The following TTC28 variants were observed in gnomAD, a reference collection of about 807,000 sequenced individuals.
TTC28 encodes the protein tetratricopeptide repeat domain 28.
TTC28 carries 61 observed loss-of-function variants against 198.0 expected under a neutral mutation model. The observed-to-expected ratio is 0.31, with a 90% confidence interval of 0.25 to 0.38. The LOEUF (loss-of-function observed/expected upper bound fraction) is 0.38. TTC28 is among the 10% of genes least tolerant of loss of function. TTC28 has a pLI of 1.00. For synonymous variants in TTC28, 1,171 were observed against 1,297.8 expected (o/e 0.90, Z 2.10); for missense variants, 2,678 against 3,164.0 (o/e 0.85, Z 3.69).
chr22:28,438,194 A>C (rs1258974204), intron 2 of TTC28, among the ~76,000 whole-genome samples: 1 of 152,234 alleles, frequency 6.6e-6, no homozygotes, highest in Non-Finnish European at 1.5e-5. Context: ...AATAATACCA[A>C]CTAGCACAGC....
At chr22:28,428,086 A>G (rs915192152) in intron 2 of TTC28, among the ~76,000 whole-genome samples, 26 of 152,128 alleles carry the variant, frequency 1.7e-4, no homozygotes, top group African/African-American at 6.0e-4. Context: ...AGGTTTAAAT[A>G]TTAAAAGTAT....
intron 2 of TTC28, among the ~76,000 whole-genome samples, chr22:28,341,901 C>T (rs964393446): frequency 1.3e-5 from 2 of 151,984 alleles, no homozygotes; most frequent in Admixed American, 1.3e-4. Context: ...ATGGCTCGGG[C>T]CCAGGAGTTC....
At chr22:27,984,119 G>C (rs1026335746) in intron 22 of TTC28, among the ~76,000 whole-genome samples, 1 of 152,026 alleles carries the variant, frequency 6.6e-6, no homozygotes, top group African/African-American at 2.4e-5. Flanking sequence ...TGTCACATGC[G>C]GGGTCAGGGT....
At chr22:28,003,071 G>C (rs762942369) in intron 14 of TTC28, among the ~76,000 whole-genome samples, 1 of 152,218 alleles carries the variant, frequency 6.6e-6, no homozygotes, top group East Asian at 1.9e-4. Context: ...GCAGGAAGAA[G>C]TAGGGGTGTG....
intron 2 of TTC28, among the ~76,000 whole-genome samples, chr22:28,483,029 A>G (rs1381611745): frequency 6.6e-6 from 1 of 152,156 alleles, no homozygotes; most frequent in Admixed American, 6.5e-5. Context: ...TTACTATGCT[A>G]TATATTTGTT....
chr22:28,272,767 C>T (rs1170277350), intron 5 of TTC28, among the ~76,000 whole-genome samples: 1 of 152,144 alleles, frequency 6.6e-6, no homozygotes, highest in Non-Finnish European at 1.5e-5. Flanking sequence ...GAGCTTTCAG[C>T]AATCCCCAGG....
intron 2 of TTC28, among the ~76,000 whole-genome samples, chr22:28,590,034 C>CAAAA (rs71194779): frequency 1.3e-4 from 9 of 68,052 alleles, no homozygotes; most frequent in Non-Finnish European, 2.1e-4. Flanking sequence ...AAGACTCCAT[C>CAAAA]AAAAAAAAAA....
intron 2 of TTC28, among the ~76,000 whole-genome samples, chr22:28,529,835 G>C (rs941460365): frequency 6.6e-6 from 1 of 152,154 alleles, no homozygotes; most frequent in African/African-American, 2.4e-5. Context: ...ACCTTCAGCT[G>C]AGGGTCCTGA....
intron 12 of TTC28, among the ~76,000 whole-genome samples, chr22:28,032,964 T>C (rs1405574878): frequency 6.6e-6 from 1 of 152,186 alleles, no homozygotes; most frequent in Non-Finnish European, 1.5e-5. Flanking sequence ...AAGGCTCCTT[T>C]GGGAGCTGAA....
intron 2 of TTC28, among the ~76,000 whole-genome samples, chr22:28,371,771 G>A (rs1181216597): frequency 4.1e-5 from 6 of 145,476 alleles, no homozygotes; most frequent in African/African-American, 1.3e-4. Context: ...TTGTAGAGAC[G>A]GGGTTTCACC....
chr22:28,279,346 A>G (rs1355837557), intron 5 of TTC28, among the ~76,000 whole-genome samples: 2 of 152,178 alleles, frequency 1.3e-5, no homozygotes, highest in Non-Finnish European at 2.9e-5. Flanking sequence ...TAAAATGCAC[A>G]AATTTTAAAC....
intron 2 of TTC28, among the ~76,000 whole-genome samples, chr22:28,419,083 A>C (rs2047209813): frequency 6.6e-6 from 1 of 152,164 alleles, no homozygotes; most frequent in Non-Finnish European, 1.5e-5. Context: ...TTAAGAATTA[A>C]CATTTTGTTG....
chr22:28,150,260 C>A (rs1164963891), intron 6 of TTC28, among the ~76,000 whole-genome samples: 1 of 152,138 alleles, frequency 6.6e-6, no homozygotes, highest in African/African-American at 2.4e-5. Context: ...AAACATACTT[C>A]TTTTTATCAT....
At chr22:28,585,857 TA>T (rs1045009030) in intron 2 of TTC28, among the ~76,000 whole-genome samples, 6 of 151,878 alleles carry the variant, frequency 4.0e-5, no homozygotes, top group African/African-American at 9.7e-5. Context: ...AGGATAGCAT[TA>T]GGAGAAATAC....
At position 28,005,446 on chromosome 22, in the gene TTC28, G is replaced by A. The variant is rs1937895220; in HGVS notation, c.4219-3893C>T. 6.6e-6 allele frequency among the ~76,000 whole-genome samples: 1 copy of A among 152,200 alleles called. No homozygotes were observed. ...GTCAGTTTACTGCCTCTCAGGTCCT[G>A]AAGCCCTTGTCACTATCCGCTCCAA... On this transcript the variant is annotated intron_variant, in intron 14 of 22. Coordinates refer to ENST00000397906, the MANE Select transcript of TTC28 (RefSeq NM_001145418.2). The surrounding 1 kb of genome is among the most constrained non-coding windows in gnomAD (Gnocchi z 4.9).
At chr22:28,661,084 A>C (rs566234081) in intron 1 of TTC28, among the ~76,000 whole-genome samples, 3 of 151,750 alleles carry the variant, frequency 2.0e-5, no homozygotes, top group African/African-American at 7.2e-5. Flanking sequence ...CGGGAGTTCG[A>C]GACCAGCCTG....
At chr22:27,996,775 G>A (rs1463384210) in intron 16 of TTC28, among the ~76,000 whole-genome samples, 4 of 152,094 alleles carry the variant, frequency 2.6e-5, no homozygotes, top group Admixed American at 2.6e-4. Flanking sequence ...AACAGGGCCT[G>A]GGGGAGCAGG....
intron 2 of TTC28, among the ~76,000 whole-genome samples, chr22:28,528,572 CA>C (rs769217479): frequency 3.1e-3 from 408 of 131,194 alleles, no homozygotes; most frequent in Admixed American, 5.4e-3. Context: ...AATAAAACTA[CA>C]AAAAAAAAAA....
intron 1 of TTC28, among the ~76,000 whole-genome samples, chr22:28,660,825 A>AT (rs2051731172): frequency 6.6e-6 from 1 of 151,186 alleles, no homozygotes; most frequent in Non-Finnish European, 1.5e-5. Context: ...CGGCTGGCCA[A>AT]TTTTTGTATT....
Sources: gnomAD v4.1 joint callset for allele counts (sites outside exome capture counted in the v4.1 genomes callset) on GRCh38, gnomAD v4.1.1 for gene constraint, Gnocchi (gnomAD v3.1) non-coding constraint, MANE v1.5 for transcripts, NCBI Gene and HGNC (gene_info 2026-07-23, HGNC 2026-07-21) for gene names.